Variants in TUBB2A observed in about 807,000 individuals in gnomAD.
The protein encoded by TUBB2A is tubulin beta-2A chain.
TUBB2A carries 7 observed loss-of-function variants against 33.9 expected under a neutral mutation model. The ratio of observed to expected loss-of-function variants is 0.21; its 90% CI spans 0.12 to 0.39. The LOEUF (loss-of-function observed/expected upper bound fraction) is 0.39. TUBB2A is among the 10% of genes least tolerant of loss of function. The pLI, the probability that TUBB2A is intolerant of heterozygous loss-of-function variation, is 1.00. For synonymous variants in TUBB2A, 187 were observed against 247.6 expected, an observed-to-expected ratio of 0.76 and a Z score of 2.30; for missense variants, 80 against 593.4, an observed-to-expected ratio of 0.13 and a Z score of 8.99.
At position 3,155,894 on chromosome 6, in the gene TUBB2A, T is replaced by C. The variant is rs1762624494; in HGVS notation, c.166+150A>G. On this transcript the variant is annotated intron_variant, in intron 2 of 3. Coordinates refer to ENST00000333628, the MANE Select transcript of TUBB2A (RefSeq NM_001069.3). This position sits in a 1 kb window ranked among gnomAD's most constrained non-coding sequence, Gnocchi z 4.2. ...AGCCGTGGCAAACAGGCAGGAATCT[T>C]AGGAAACCATAAAACATGTTTTTCC... 1.4e-6 allele frequency: 2 copies of C among 1,451,990 alleles called. No homozygotes were observed. The highest frequency in any genetic ancestry group is 1.8e-6 in the Non-Finnish European group (2 of 1,083,464). 89.9% of individuals were successfully genotyped at this position (1,451,990 alleles called of 1,614,324 possible). A position where few individuals can be genotyped will look rare whatever the true frequency, so the allele number is the denominator to read the frequency against.
rs1270872040 is a variant in TUBB2A at position 3,155,560 on chromosome 6, C to T, written c.277+65G>A. 4.3e-5 allele frequency: 56 copies of T among 1,311,688 alleles called. No individual in the cohort carries two copies. The highest frequency in any genetic ancestry group is 5.9e-5 in the Non-Finnish European group (55 of 926,308). 81.3% of individuals were successfully genotyped at this position (1,311,688 alleles called of 1,614,324 possible). Reference sequence around the variant, plus strand: ...TTGGCACTGAACACTAAGAACTGTGCTTTGCAGGGCTGTTAGGAAGAAGGT... The same window carrying T: ...TTGGCACTGAACACTAAGAACTGTGTTTTGCAGGGCTGTTAGGAAGAAGGT... On this transcript the variant is annotated intron_variant, in intron 3 of 3. Transcript: ENST00000333628. The surrounding 1 kb of genome is among the most constrained non-coding windows in gnomAD (Gnocchi z 4.2).
rs2113784943 is a variant in TUBB2A, at chr6:3,153,962, G to A, written c.1239C>T (p.Ser413=). The A allele has an allele frequency of 6.2e-7, 1 of 1,609,860 alleles. No individual in the cohort carries two copies. Among genetic ancestry groups the A allele is most frequent in the Non-Finnish European group, 8.5e-7 (1 of 1,178,620 alleles). ...MDEMEFTEAE[S]NMNDLVSEYQ... ...ACTCGGACACCAGGTCGTTCATGTT[G>A]CTCTCGGCCTCGGTGAACTCCATCT... The change falls in exon 4 of 4, where the codon AGC becomes AGT. Residue 413 remains serine (S), a synonymous_variant. Transcript: ENST00000333628.
rs563370647 is a variant in TUBB2A, at chr6:3,157,340, C to A, written c.57+67G>T. 39 of 1,340,134 alleles carry A rather than the reference C, an allele frequency of 2.9e-5. 1 individual carries two copies. In the Admixed American group the frequency reaches 6.6e-4, roughly 23 times the overall value. 83.0% of individuals were successfully genotyped at this position (1,340,134 alleles called of 1,614,324 possible). A position where few individuals can be genotyped will look rare whatever the true frequency, so the allele number is the denominator to read the frequency against. On this transcript the variant is annotated intron_variant, in intron 1 of 3. Transcript: ENST00000333628. ...AGCCCGGGGCCGCCGCGGCCTCCAG[C>A]CCCCGCCCCGGCCCCAGCCCGCACC...
In TUBB2A at chr6:3,153,953, G is replaced by A. The variant is rs1762590586; in HGVS notation, c.1248C>T (p.Asn416=). Residue 416 remains asparagine, a synonymous_variant, in exon 4 of 4, where the codon AAC becomes AAT. Transcript: ENST00000333628. ...MEFTEAESNM[N]DLVSEYQQYQ... ...ACTGCTGGTACTCGGACACCAGGTC[G>A]TTCATGTTGCTCTCGGCCTCGGTGA... 7 of 1,608,934 alleles carry A rather than the reference G, an allele frequency of 4.4e-6. No individual in the cohort carries two copies. Among genetic ancestry groups the A allele is most frequent in the Non-Finnish European group, 5.9e-6 (7 of 1,177,788 alleles).
Position 3,153,734 on chromosome 6 carries a change from C to G in TUBB2A, c.*129G>C. The stretch of plus-strand genomic sequence containing the variant: ...CAATACTGTAATTTTTAGAGGAGTT[C>G]CACATCATTACATCAACAGTGTGAA... On this transcript the variant is annotated 3_prime_UTR_variant, in exon 4 of 4. Transcript: ENST00000333628. The G allele has an allele frequency of 1.4e-6, 2 of 1,393,716 alleles. No homozygotes were observed. The highest frequency in any genetic ancestry group is 2.8e-5 in the South Asian group (2 of 71,954). 86.3% of individuals were successfully genotyped at this position (1,393,716 alleles called of 1,614,324 possible).
In TUBB2A at chr6:3,153,732, T is replaced by G; in HGVS notation, c.*131A>C. The G allele has an allele frequency of 7.3e-7, 1 of 1,377,740 alleles. No individual in the cohort carries two copies. Among genetic ancestry groups the G allele is most frequent in the Non-Finnish European group, 9.9e-7 (1 of 1,009,760 alleles). The allele number at this position is 1,377,740 out of a possible 1,614,324, so 85.3% of individuals were successfully genotyped here. ...GACAATACTGTAATTTTTAGAGGAGTTCCACATCATTACATCAACAGTGTG... is the reference window on the plus strand; with the variant it reads ...GACAATACTGTAATTTTTAGAGGAGGTCCACATCATTACATCAACAGTGTG... On this transcript the variant is annotated 3_prime_UTR_variant, in exon 4 of 4. Transcript: ENST00000333628.
In TUBB2A at chr6:3,157,372, C is replaced by T. The variant is rs764803971; in HGVS notation, c.57+35G>A. ...CCCGGCCCCAGCCCGCACCCTCGGT[C>T]CCAACCCCGGGCCCCTCCGTGGCGG... On this transcript the variant is annotated intron_variant, in intron 1 of 3. Coordinates refer to ENST00000333628, the MANE Select transcript of TUBB2A (RefSeq NM_001069.3). 3.4e-6 allele frequency: 5 copies of T among 1,481,052 alleles called. No homozygotes were observed. The East Asian group carries it at 1.2e-4, about 36-fold the overall frequency. The allele number at this position is 1,481,052 out of a possible 1,614,324, so 91.7% of individuals were successfully genotyped here. A position where few individuals can be genotyped will look rare whatever the true frequency, so the allele number is the denominator to read the frequency against.
chr6:3,155,069 T>G lies in TUBB2A; in HGVS notation c.278-146A>C. On this transcript the variant is annotated intron_variant, in intron 3 of 3. Transcript: ENST00000333628. The surrounding 1 kb of genome is among the most constrained non-coding windows in gnomAD (Gnocchi z 4.2). ...CTCTTCTTTTACCTGAAGAAATATTTTTCTATGTCAGTGACCTCAAAAACA... is the reference window on the plus strand; with the variant it reads ...CTCTTCTTTTACCTGAAGAAATATTGTTCTATGTCAGTGACCTCAAAAACA... 1 of 1,497,894 alleles carries G rather than the reference T, an allele frequency of 6.7e-7. No individual in the cohort carries two copies. Among genetic ancestry groups the G allele is most frequent in the Non-Finnish European group, 8.9e-7 (1 of 1,120,850 alleles). 92.8% of individuals were successfully genotyped at this position (1,497,894 alleles called of 1,614,324 possible).
chr6:3,156,578 G>GCT (rs1258077924), intron 1 of TUBB2A, among the ~76,000 whole-genome samples: 1 of 152,252 alleles, frequency 6.6e-6, no homozygotes, highest in African/African-American at 2.4e-5. Context: ...CAGGGATCAA[G>GCT]CTCTCTTGGC....
At position 3,154,637 on chromosome 6, in the gene TUBB2A, A is replaced by C. The variant is rs17849443; in HGVS notation, c.564T>G (p.Ser188=). 0.64 allele frequency: 1,021,550 copies of C among 1,606,018 alleles called. 335,800 individuals are homozygous for C. Among genetic ancestry groups the C allele is most frequent in the Non-Finnish European group, 0.7 (820,652 of 1,177,662 alleles). ...TVVEPYNATL[S]VHQLVENTDE... ...CTGTGTTTTCCACCAGCTGGTGGAC[A>C]GAGAGGGTGGCGTTGTAGGGCTCCA... is the stretch of plus-strand genomic sequence containing the variant. The change falls in exon 4 of 4, where the codon TCT becomes TCG. Residue 188 remains serine (S), a synonymous_variant. Coordinates refer to ENST00000333628, the MANE Select transcript of TUBB2A (RefSeq NM_001069.3).
chr6:3,157,480 C>A lies in TUBB2A; in HGVS notation c.-17G>T. 3 of 1,516,256 alleles carry A rather than the reference C, an allele frequency of 2.0e-6. No homozygotes were observed. The highest frequency in any genetic ancestry group is 1.8e-6 in the Non-Finnish European group (2 of 1,138,270). The allele number at this position is 1,516,256 out of a possible 1,614,324, so 93.9% of individuals were successfully genotyped here. ...CTCGCGCATGGTGCCGGCTGCGGAG[C>A]GGGTGGCGCTGGCCCTCGGAGCGGT... On this transcript the variant is annotated 5_prime_UTR_variant, in exon 1 of 4. Coordinates refer to ENST00000333628, the MANE Select transcript of TUBB2A (RefSeq NM_001069.3).
Position 3,155,632 on chromosome 6 carries a change from G to A in TUBB2A, c.270C>T (p.Phe90=), listed in dbSNP as rs562003687. ...GTGATCATGACTACATACCGAACAC[G>A]AAGTTGTCTGGTCTGAAGATCTGGC... ...PFGQIFRPDN[F]VFGQSGAGNN... Residue 90 remains phenylalanine (F), a synonymous_variant, in exon 3 of 4, where the codon TTC becomes TTT. Coordinates refer to ENST00000333628, the MANE Select transcript of TUBB2A (RefSeq NM_001069.3). This position sits in a 1 kb window ranked among gnomAD's most constrained non-coding sequence, Gnocchi z 4.2. The A allele has an allele frequency of 5.0e-6, 8 of 1,612,092 alleles. No homozygotes were observed. Among genetic ancestry groups the A allele is most frequent in the East Asian group, 4.5e-5 (2 of 44,854 alleles).
In TUBB2A at chr6:3,157,304, G is replaced by A. The variant is rs958391838; in HGVS notation, c.57+103C>T. ...GCCCGGCGGCCTCGCCGCGGAATGTGCCACCCGGCCAGCCCGGGGCCGCCG... is the reference window on the plus strand; with the variant it reads ...GCCCGGCGGCCTCGCCGCGGAATGTACCACCCGGCCAGCCCGGGGCCGCCG... On this transcript the variant is annotated intron_variant, in intron 1 of 3. Transcript: ENST00000333628. The A allele has an allele frequency of 3.3e-6, 4 of 1,222,160 alleles. No homozygotes were observed. In the African/African-American group the frequency reaches 4.8e-5, roughly 15 times the overall value. 75.7% of individuals were successfully genotyped at this position (1,222,160 alleles called of 1,614,324 possible).
intron 1 of TUBB2A, 138 bp downstream of exon 1, chr6:3,157,268 TC>T (rs1762653186): frequency 6.7e-6 from 7 of 1,038,348 alleles, no homozygotes; most frequent in South Asian, 4.1e-5. Context: ...TCATGCAGCC[TC>T]CCGGACCCCG....
intron 1 of TUBB2A, 21 bp downstream of exon 1, chr6:3,157,386 C>A (rs1314995268): frequency 1.3e-6 from 2 of 1,512,746 alleles, no homozygotes; most frequent in Admixed American, 2.0e-5. Context: ...ACCCCGGGCC[C>A]CTCCGTGGCG....
intron 1 of TUBB2A, 125 bp downstream of exon 1, chr6:3,157,282 C>T (rs972185088): frequency 3.6e-5 from 41 of 1,130,190 alleles, no homozygotes; most frequent in Non-Finnish European, 4.4e-5. Flanking sequence ...GGACCCCGCC[C>T]GGCGGCCTCG....
At chr6:3,157,346 C>T in intron 1 of TUBB2A, 61 bp downstream of exon 1, 2 of 1,369,032 alleles carry the variant, frequency 1.5e-6, no homozygotes, top group South Asian at 1.7e-5. Context: ...CCAGCCCCCG[C>T]CCCGGCCCCA....
Position 3,155,240 on chromosome 6 carries a change from G to A in TUBB2A, c.278-317C>T, listed in dbSNP as rs1561806310. Among the ~76,000 whole-genome samples the A allele has an allele frequency of 1.3e-5, 2 of 152,220 alleles. No homozygotes were observed. The highest frequency in any genetic ancestry group is 2.9e-5 in the Non-Finnish European group (2 of 68,046). On this transcript the variant is annotated intron_variant, in intron 3 of 3. Coordinates refer to ENST00000333628, the MANE Select transcript of TUBB2A (RefSeq NM_001069.3). This position sits in a 1 kb window ranked among gnomAD's most constrained non-coding sequence, Gnocchi z 4.2. Reference sequence around the variant, plus strand: ...CTTTATACTCAACTACAATTAAACAGGCAAGGTGAAGGCAGTGTGACCAGC... The same window carrying A: ...CTTTATACTCAACTACAATTAAACAAGCAAGGTGAAGGCAGTGTGACCAGC...
Position 3,155,864 on chromosome 6 carries a change from T to C in TUBB2A, c.167-129A>G. 1 of 1,348,502 alleles carries C rather than the reference T, an allele frequency of 7.4e-7. No homozygotes were observed. The highest frequency in any genetic ancestry group is 1.4e-5 in the South Asian group (1 of 69,200). 83.5% of individuals were successfully genotyped at this position (1,348,502 alleles called of 1,614,324 possible). A position where few individuals can be genotyped will look rare whatever the true frequency, so the allele number is the denominator to read the frequency against. ...TTTAAGAAAAAGGAGGTCCTGAGTG[T>C]GCTTAGCCGTGGCAAACAGGCAGGA... On this transcript the variant is annotated intron_variant, in intron 2 of 3. Coordinates refer to ENST00000333628, the MANE Select transcript of TUBB2A (RefSeq NM_001069.3). This position sits in a 1 kb window ranked among gnomAD's most constrained non-coding sequence, Gnocchi z 4.2.
Sources: allele counts gnomAD v4.1 joint callset (sites outside exome capture counted in the v4.1 genomes callset), GRCh38; gene constraint gnomAD v4.1.1; non-coding constraint Gnocchi (gnomAD v3.1); transcripts MANE v1.5; gene names NCBI Gene and HGNC (gene_info 2026-07-23, HGNC 2026-07-21).